ARB2A: variants seen among roughly 807,000 people sequenced by gnomAD.
The protein encoded by ARB2A is ARB2 cotranscriptional regulator A, also known as cotranscriptional regulator ARB2A.
the ARB2A span, among the ~76,000 whole-genome samples, chr5:93,690,889 C>T: frequency 1.3e-5 from 2 of 152,056 alleles, no homozygotes. Context: ...CTGGTGATAC[C>T]CAGGCAAACA....
the ARB2A span, among the ~76,000 whole-genome samples, chr5:94,030,571 C>T: frequency 6.6e-6 from 1 of 152,218 alleles, no homozygotes; most frequent in African/African-American, 2.4e-5. Flanking sequence ...CCATAACAGA[C>T]TCTTCTGCCT....
At chr5:93,843,787 A>C in the ARB2A span, among the ~76,000 whole-genome samples, 1 of 152,172 alleles carries the variant, frequency 6.6e-6, no homozygotes, top group African/African-American at 2.4e-5. Context: ...AAGATATGAA[A>C]AATAGGAGAG....
chr5:93,635,581 G>A, the ARB2A span, among the ~76,000 whole-genome samples: 1 of 151,250 alleles, frequency 6.6e-6, no homozygotes, highest in South Asian at 2.1e-4. Context: ...CTGGGAGTAC[G>A]GGCGTGTACC....
chr5:93,853,643 A>G, the ARB2A span, among the ~76,000 whole-genome samples: 1 of 152,138 alleles, frequency 6.6e-6, no homozygotes, highest in Non-Finnish European at 1.5e-5. Context: ...TCAATACCAA[A>G]TTTATTGAGA....
chr5:93,662,678 AC>A, the ARB2A span, among the ~76,000 whole-genome samples: 1 of 152,136 alleles, frequency 6.6e-6, no homozygotes, highest in Admixed American at 6.5e-5. Context: ...TGACAGGACA[AC>A]CCCCATTACA....
At chr5:93,916,525 A>C in the ARB2A span, among the ~76,000 whole-genome samples, 1 of 152,122 alleles carries the variant, frequency 6.6e-6, no homozygotes, top group African/African-American at 2.4e-5. Flanking sequence ...AATATGACCT[A>C]TTTCAAGTGT....
the ARB2A span, among the ~76,000 whole-genome samples, chr5:93,990,620 TAA>T: frequency 6.6e-5 from 5 of 75,240 alleles, no homozygotes; most frequent in Non-Finnish European, 9.2e-5. Flanking sequence ...CTACCATGAG[TAA>T]AAAAAAAAAA....
the ARB2A span, among the ~76,000 whole-genome samples, chr5:93,996,649 C>T: frequency 6.6e-6 from 1 of 151,934 alleles, no homozygotes; most frequent in Non-Finnish European, 1.5e-5. Flanking sequence ...CTTAAGTCTC[C>T]AAAAATAAAC....
the ARB2A span, among the ~76,000 whole-genome samples, chr5:93,949,086 C>T: frequency 7.2e-5 from 11 of 152,220 alleles, no homozygotes; most frequent in Non-Finnish European, 1.2e-4. Context: ...AGCTGCAACA[C>T]CTTCCAGGGA....
At chr5:93,932,316 G>A in the ARB2A span, among the ~76,000 whole-genome samples, 6 of 152,240 alleles carry the variant, frequency 3.9e-5, no homozygotes, top group African/African-American at 1.2e-4. Flanking sequence ...GAAGGGAAGC[G>A]ATGTGCACTA....
At chr5:93,944,503 G>C in the ARB2A span, among the ~76,000 whole-genome samples, 2 of 151,950 alleles carry the variant, frequency 1.3e-5, no homozygotes, top group African/African-American at 4.8e-5. Context: ...AGGATCACTT[G>C]AGCCCAGGAG....
the ARB2A span, among the ~76,000 whole-genome samples, chr5:93,944,373 A>T: frequency 6.6e-6 from 1 of 152,160 alleles, no homozygotes; most frequent in African/African-American, 2.4e-5. Flanking sequence ...ACGCAGAAGG[A>T]TTGCTTGAGC....
chr5:93,682,701 T>C, the ARB2A span: 13 of 628,174 alleles, frequency 2.1e-5, no homozygotes, highest in African/African-American at 1.3e-4. Context: ...TTCTTGGCAA[T>C]AGAACCTGGA....
At chr5:93,720,071 AC>A in the ARB2A span, among the ~76,000 whole-genome samples, 2 of 152,106 alleles carry the variant, frequency 1.3e-5, no homozygotes, top group African/African-American at 4.8e-5. Flanking sequence ...TCTTTGTAAA[AC>A]CCATCTAATT....
chr5:93,762,854 T>C, the ARB2A span, among the ~76,000 whole-genome samples: 2 of 151,670 alleles, frequency 1.3e-5, no homozygotes, highest in African/African-American at 2.4e-5. Flanking sequence ...GCGGATCTCT[T>C]GGCAGAAACT....
the ARB2A span, among the ~76,000 whole-genome samples, chr5:93,855,208 T>C: frequency 6.6e-6 from 1 of 152,216 alleles, no homozygotes. Flanking sequence ...TGTACCATTA[T>C]GTAATGGCCT....
At chr5:93,659,526 G>A in the ARB2A span, among the ~76,000 whole-genome samples, 1 of 152,094 alleles carries the variant, frequency 6.6e-6, no homozygotes. Context: ...CATTATCTAA[G>A]TCTTGATCAG....
At chr5:93,623,285 C>T in the ARB2A span, among the ~76,000 whole-genome samples, 1 of 151,256 alleles carries the variant, frequency 6.6e-6, no homozygotes, top group African/African-American at 2.4e-5. Flanking sequence ...TTAATTGTCT[C>T]TTTTCGTAAC....
At chr5:93,670,989 G>A in the ARB2A span, among the ~76,000 whole-genome samples, 1 of 152,178 alleles carries the variant, frequency 6.6e-6, no homozygotes, top group Non-Finnish European at 1.5e-5. Flanking sequence ...CCTCACAGGA[G>A]CATCCAGAAT....
Sources: gnomAD v4.1 joint callset for allele counts (sites outside exome capture counted in the v4.1 genomes callset) on GRCh38, gnomAD v4.1.1 for gene constraint, MANE v1.5 for transcripts, NCBI Gene and HGNC (gene_info 2026-07-23, HGNC 2026-07-21) for gene names.